The following HYDIN variants were observed in gnomAD, a reference collection of about 807,000 sequenced individuals.
HYDIN encodes the protein HYDIN axonemal central pair apparatus protein.
A neutral mutation model predicts 403.9 loss-of-function variants in HYDIN; 132 were observed. The ratio of observed to expected loss-of-function variants is 0.33; its 90% CI spans 0.28 to 0.38. HYDIN has a LOEUF of 0.38. Among genes scored for constraint, HYDIN ranks in the 10% least tolerant of loss-of-function variants. The probability of loss-of-function intolerance (pLI) is 1.00; values close to 1 mark genes in which losing one functional copy is unlikely to be tolerated. For missense variants in HYDIN, 2,827 were observed against 5,009.5 expected (o/e 0.56, Z 13.15); for synonymous variants, 1,202 against 1,891.7 (o/e 0.64, Z 9.46).
chr16:70,981,685 A>G (rs2079050434), intron 28 of HYDIN, 117 bp from the exon 29 acceptor site: 1 of 1,384,350 alleles, frequency 7.2e-7, no homozygotes, highest in Non-Finnish European at 9.4e-7. Flanking sequence ...AAAGAAGGAA[A>G]GGAGTAAGAG....
intron 23 of HYDIN, among the ~76,000 whole-genome samples, chr16:71,004,278 C>T (rs1302781985): frequency 6.7e-6 from 1 of 149,522 alleles, no homozygotes; most frequent in African/African-American, 2.5e-5. Flanking sequence ...CATGCCATTG[C>T]ACTCCATCCT....
At position 70,894,567 on chromosome 16, in the gene HYDIN, A is replaced by G. The variant is rs1222448009; in HGVS notation, c.9149-19T>C. 10 of 1,415,958 alleles carry G rather than the reference A, an allele frequency of 7.1e-6. No individual in the cohort carries two copies. Among genetic ancestry groups the G allele is most frequent in the Non-Finnish European group, 8.5e-6 (9 of 1,060,574 alleles). The allele number at this position is 1,415,958 out of a possible 1,614,324, so 87.7% of individuals were successfully genotyped here. A position where few individuals can be genotyped will look rare whatever the true frequency, so the allele number is the denominator to read the frequency against. On this transcript the variant is annotated intron_variant, in intron 54 of 85. Coordinates refer to ENST00000393567, the MANE Select transcript of HYDIN (RefSeq NM_001270974.2). ...TCAGCTCCTGCAGAGACCAGGGGCCAGGGCAGAGAGGGGTGAATGGGCATG... is the reference window on the plus strand; with the variant it reads ...TCAGCTCCTGCAGAGACCAGGGGCCGGGGCAGAGAGGGGTGAATGGGCATG...
At chr16:71,208,693 AT>A (rs556154883) in intron 1 of HYDIN, among the ~76,000 whole-genome samples, 37 of 152,206 alleles carry the variant, frequency 2.4e-4, no homozygotes, top group Non-Finnish European at 4.3e-4. Context: ...GAAGATCCAA[AT>A]AAACACAATG....
intron 6 of HYDIN, among the ~76,000 whole-genome samples, chr16:71,157,131 A>C (rs2085802631): frequency 6.6e-6 from 1 of 151,568 alleles, no homozygotes; most frequent in Admixed American, 6.6e-5. Flanking sequence ...AGAGTTAGAT[A>C]CAATCCTTCC....
chr16:70,887,336 AAG>A (rs1183812266), intron 58 of HYDIN, among the ~76,000 whole-genome samples: 3 of 152,062 alleles, frequency 2.0e-5, no homozygotes, highest in East Asian at 3.9e-4. Flanking sequence ...TTAGAAATGG[AAG>A]AGAGTTAGAA....
chr16:70,869,757 G>C (rs2039987974), intron 65 of HYDIN, among the ~76,000 whole-genome samples: 1 of 150,914 alleles, frequency 6.6e-6, no homozygotes, highest in East Asian at 2.0e-4. Flanking sequence ...AACAAATATA[G>C]TAAATTGGTA....
At position 70,965,347 on chromosome 16, in the gene HYDIN, C is replaced by T. The variant is rs908946291; in HGVS notation, c.5620-451G>A. ...AAAAGAGGTAAAATAGTATTAAGTACGTGTATGTGTGCACATGTGTGTGAA... is the reference window on the plus strand; with the variant it reads ...AAAAGAGGTAAAATAGTATTAAGTATGTGTATGTGTGCACATGTGTGTGAA... On this transcript the variant is annotated intron_variant, in intron 36 of 85. Transcript: ENST00000393567. Among the ~76,000 whole-genome samples the T allele has an allele frequency of 2.0e-3, 303 of 151,406 alleles. 2 individuals carry two copies. The highest frequency in any genetic ancestry group is 2.7e-3 in the Non-Finnish European group (183 of 67,828).
intron 27 of HYDIN, among the ~76,000 whole-genome samples, chr16:70,987,177 G>A (rs1428798533): frequency 6.7e-6 from 1 of 148,274 alleles, no homozygotes; most frequent in African/African-American, 2.4e-5. Flanking sequence ...GAGGTGATGT[G>A]CCCAAGGTCA....
intron 1 of HYDIN, among the ~76,000 whole-genome samples, chr16:71,208,074 A>G (rs751998137): frequency 2.0e-5 from 3 of 152,232 alleles, no homozygotes; most frequent in Non-Finnish European, 4.4e-5. Flanking sequence ...TGGACCTAGT[A>G]CACAGCTACA....
In HYDIN at chr16:70,809,861, C is replaced by A. The variant is rs1318020313; in HGVS notation, c.14805G>T (p.Gln4935His). The A allele has an allele frequency of 2.5e-6, 4 of 1,614,108 alleles. No individual in the cohort carries two copies. The East Asian group carries it at 8.9e-5, about 36-fold the overall frequency. The part of the protein sequence containing the change: ...PALPEKPVHF[Q>H]TVLGSSQIIL... ...TGATTTGGCTGCTGCCAAGGACAGTCTGGAAGTGAACAGGCTTTTCCGGAA... is the reference window on the plus strand; with the variant it reads ...TGATTTGGCTGCTGCCAAGGACAGTATGGAAGTGAACAGGCTTTTCCGGAA... The change falls in exon 85 of 86, where the codon CAG becomes CAT. Residue 4935 changes from glutamine (Q) to histidine (H), a missense_variant. Coordinates refer to ENST00000393567, the MANE Select transcript of HYDIN (RefSeq NM_001270974.2).
At position 71,046,961 on chromosome 16, in the gene HYDIN, T is replaced by G. The variant is rs531566478; in HGVS notation, c.2529+13543A>C. Among the ~76,000 whole-genome samples the G allele has an allele frequency of 3.9e-5, 6 of 152,104 alleles. No individual in the cohort carries two copies. The East Asian group carries it at 1.2e-3, about 29-fold the overall frequency. On this transcript the variant is annotated intron_variant, in intron 18 of 85. Coordinates refer to ENST00000393567, the MANE Select transcript of HYDIN (RefSeq NM_001270974.2). Reference sequence around the variant, plus strand: ...TGATGCTGGTAATGGGGAAGAAACATAAATTTTTATGGGGGAGAGAAGGTG... The same window carrying G: ...TGATGCTGGTAATGGGGAAGAAACAGAAATTTTTATGGGGGAGAGAAGGTG...
chr16:70,996,862 G>A (rs1350974060), intron 23 of HYDIN, among the ~76,000 whole-genome samples: 1 of 151,722 alleles, frequency 6.6e-6, no homozygotes, highest in Non-Finnish European at 1.5e-5. Context: ...GGGTGGGGTG[G>A]TGGGGGGGAT....
chr16:71,098,443 CCGCCCG>C, intron 10 of HYDIN, among the ~76,000 whole-genome samples: 1 of 151,846 alleles, frequency 6.6e-6, no homozygotes, highest in South Asian at 2.1e-4. Context: ...ACCTCAAGAT[CCGCCCG>C]CCTCAGCCTC....
chr16:71,114,292 A>G (rs889382677), intron 10 of HYDIN, among the ~76,000 whole-genome samples: 2 of 150,962 alleles, frequency 1.3e-5, no homozygotes, highest in Non-Finnish European at 3.0e-5. Flanking sequence ...ACAGATTCCT[A>G]TTTATTCAAT....
chr16:71,078,550 G>C (rs2082686535), intron 13 of HYDIN, among the ~76,000 whole-genome samples: 1 of 151,968 alleles, frequency 6.6e-6, no homozygotes, highest in Non-Finnish European at 1.5e-5. Flanking sequence ...TTTTGCCTAG[G>C]CTAGATTGCA....
chr16:70,871,147 G>T (rs1374506993), intron 65 of HYDIN, among the ~76,000 whole-genome samples: 1 of 151,758 alleles, frequency 6.6e-6, no homozygotes, highest in Non-Finnish European at 1.5e-5. Flanking sequence ...AAATAAAGTG[G>T]TATACCAGCT....
intron 10 of HYDIN, among the ~76,000 whole-genome samples, chr16:71,104,286 T>C (rs2083546453): frequency 6.6e-6 from 1 of 151,578 alleles, no homozygotes; most frequent in African/African-American, 2.4e-5. Context: ...ATTAATAACA[T>C]TAACTTCTGA....
intron 18 of HYDIN, among the ~76,000 whole-genome samples, chr16:71,052,232 T>C (rs1220365709): frequency 1.3e-5 from 2 of 152,042 alleles, no homozygotes; most frequent in African/African-American, 4.8e-5. Flanking sequence ...GCCTGATACA[T>C]AACAAGTGTT....
chr16:70,928,229 G>C (rs1465591477), intron 45 of HYDIN, among the ~76,000 whole-genome samples: 1 of 152,152 alleles, frequency 6.6e-6, no homozygotes, highest in African/African-American at 2.4e-5. Flanking sequence ...TTGGGAGGCC[G>C]AGGCGGGTGG....
Sources: gnomAD v4.1 joint callset for allele counts (sites outside exome capture counted in the v4.1 genomes callset) on GRCh38, gnomAD v4.1.1 for gene constraint, MANE v1.5 for transcripts, NCBI Gene and HGNC (gene_info 2026-07-23, HGNC 2026-07-21) for gene names.